The following VIP variants were observed in gnomAD, a reference collection of about 807,000 sequenced individuals.
VIP encodes the protein vasoactive intestinal peptide.
Under a neutral mutation model 20.1 loss-of-function variants are expected in VIP, and 18 were observed. The observed-to-expected ratio is 0.90, with a 90% CI of 0.62 to 1.33. The LOEUF (loss-of-function observed/expected upper bound fraction) is 1.33, where lower values mean the gene tolerates loss of function less well. Ranked by LOEUF, VIP falls within the 40% of genes most tolerant of loss-of-function variation. The pLI is 0.00. For synonymous variants in VIP, 70 were observed against 68.1 expected (o/e 1.03, Z -0.14); for missense variants, 209 against 199.4 (o/e 1.05, Z -0.29).
rs532133504 is a variant in VIP at position 152,755,350 on chromosome 6, G to C, written c.312G>C (p.Glu104Asp). 8 of 1,587,290 alleles carry C rather than the reference G, an allele frequency of 5.0e-6. No homozygotes were observed. In the Admixed American group the frequency reaches 1.2e-4, roughly 24 times the overall value. Reference sequence around the variant, plus strand: ...AACTTTCTGCCAAAAAGTACCTTGAGTCTCTTATGGGAAAACGTGTTAGGT... The same window carrying C: ...AACTTTCTGCCAAAAAGTACCTTGACTCTCTTATGGGAAAACGTGTTAGGT... ...LGQLSAKKYL[E>D]SLMGKRVSSN... Residue 104 changes from glutamate (E) to aspartate (D), a missense_variant, in exon 4 of 7, where the codon GAG becomes GAC. By Grantham distance (45) the Glu-to-Asp change is conservative (BLOSUM62 2). Transcript: ENST00000367244.
intron 1 of VIP, among the ~76,000 whole-genome samples, chr6:152,751,313 CT>C (rs962804921): frequency 6.6e-6 from 1 of 150,824 alleles, no homozygotes; most frequent in Non-Finnish European, 1.5e-5. Context: ...TTTTAAAGTG[CT>C]TTTTTTTTCC....
Position 152,757,036 on chromosome 6 carries a change from T to C in VIP, c.468-60T>C, listed in dbSNP as rs550081898. ...AGCACATTCATTATGTCATAATAGT[T>C]TCTTTAGACCCTTTCTCATCTGAGA... On this transcript the variant is annotated intron_variant, in intron 5 of 6. Transcript: ENST00000367244. 2.6e-6 allele frequency: 4 copies of C among 1,536,822 alleles called. No individual in the cohort carries two copies. The African/African-American group carries it at 5.5e-5, about 21-fold the overall frequency.
Position 152,752,234 on chromosome 6 carries a change from C to G in VIP, c.57C>G (p.Leu19=). The G allele has an allele frequency of 6.2e-7, 1 of 1,613,622 alleles. No individual in the cohort carries two copies. Among genetic ancestry groups the G allele is most frequent in the Non-Finnish European group, 8.5e-7 (1 of 1,179,674 alleles). ...LLVLLTLLSV[L]FSQTSAWPLY... is the part of the protein sequence containing the mutation. The stretch of plus-strand genomic sequence containing the variant: ...TGCTCCTGACTCTTCTCAGTGTGCT[C>G]TTCTCACAGACTTCGGCATGGCCTC... Residue 19 remains leucine (L), a synonymous_variant, in exon 2 of 7, where the codon CTC becomes CTG. Transcript: ENST00000367244.
intron 3 of VIP, 106 bp from the exon 4 acceptor site, chr6:152,755,163 A>C (rs1228732770): frequency 4.8e-6 from 3 of 621,974 alleles, no homozygotes; most frequent in East Asian, 6.4e-5. Context: ...TTTTAATGAG[A>C]AGCTTTCATA....
At position 152,756,089 on chromosome 6, in the gene VIP, T is replaced by C. The variant is rs201605279; in HGVS notation, c.336-45T>C. On this transcript the variant is annotated intron_variant, in intron 4 of 6. Coordinates refer to ENST00000367244, the MANE Select transcript of VIP (RefSeq NM_003381.4). ...ACCTGGAACATGTGTGTATTTATCA[T>C]TTCTTGTGAAAACTCTTTGATTTCC... 8.9e-6 allele frequency: 13 copies of C among 1,462,012 alleles called. No homozygotes were observed. The Admixed American group carries it at 2.6e-4, about 29-fold the overall frequency. The allele number at this position is 1,462,012 out of a possible 1,614,324, so 90.6% of individuals were successfully genotyped here.
chr6:152,754,554 A>T (rs376916398), intron 3 of VIP, among the ~76,000 whole-genome samples: 1 of 151,968 alleles, frequency 6.6e-6, no homozygotes, highest in East Asian at 1.9e-4. Flanking sequence ...CACAGATTGT[A>T]CCAATTCTGA....
chr6:152,754,149 G>C lies in VIP; in HGVS notation c.108-17G>C. On this transcript the variant is annotated splice_polypyrimidine_tract_variant and intron_variant, in intron 2 of 6. Transcript: ENST00000367244. ...TGAAAAAAGAATGTATTATTCTCGT[G>C]TAACTTTCCCCATCAGGTTGGGTGA... 6.2e-7 allele frequency: 1 copy of C among 1,606,340 alleles called. No individual in the cohort carries two copies. Among genetic ancestry groups the C allele is most frequent in the Non-Finnish European group, 8.5e-7 (1 of 1,176,640 alleles).
At chr6:152,757,024 T>C (rs1261121746) in intron 5 of VIP, 72 bp from the exon 6 acceptor site, 13 of 1,459,694 alleles carry the variant, frequency 8.9e-6, no homozygotes, top group Non-Finnish European at 5.7e-6. Flanking sequence ...ACATTCATTA[T>C]GTCATAATAG....
intron 1 of VIP, among the ~76,000 whole-genome samples, chr6:152,751,844 A>C (rs545594275): frequency 6.6e-6 from 1 of 152,254 alleles, no homozygotes; most frequent in African/African-American, 2.4e-5. Context: ...AAATACACTA[A>C]GCTTGAGTGG....
At chr6:152,754,421 G>A in intron 3 of VIP, 133 bp downstream of exon 3, 1 of 807,940 alleles carries the variant, frequency 1.2e-6, no homozygotes, top group Non-Finnish European at 1.9e-6. Context: ...TATGTGTCAT[G>A]GCTTCATTCA....
At chr6:152,755,464 T>A in intron 4 of VIP, 91 bp downstream of exon 4, 1 of 805,912 alleles carries the variant, frequency 1.2e-6, no homozygotes, top group Non-Finnish European at 1.8e-6. Flanking sequence ...TTACTTTGTT[T>A]GAAATTGAAA....
At chr6:152,757,208 C>T in intron 6 of VIP, 24 bp downstream of exon 6, 1 of 1,475,030 alleles carries the variant, frequency 6.8e-7, no homozygotes, top group Non-Finnish European at 9.4e-7. Context: ...TGCATTCCTT[C>T]TGTATTCTTA....
Position 152,750,954 on chromosome 6 carries a change from G to C in VIP, c.-16G>C, listed in dbSNP as rs1434122880. ...AGTCAGCTCCGGGGGAGCACGACTG[G>C]GCGAGGTAAGTGAAAACTTTACCTT... On this transcript the variant is annotated 5_prime_UTR_variant, in exon 1 of 7. Transcript: ENST00000367244. 1.3e-5 allele frequency: 2 copies of C among 152,114 alleles called. No individual in the cohort carries two copies. Among genetic ancestry groups the C allele is most frequent in the Non-Finnish European group, 2.9e-5 (2 of 68,032 alleles). 9.4% of individuals were successfully genotyped at this position (152,114 alleles called of 1,614,324 possible).
intron 2 of VIP, among the ~76,000 whole-genome samples, chr6:152,753,941 T>C (rs12201173): frequency 0.16 from 24,323 of 152,022 alleles, 2,099 homozygotes; most frequent in African/African-American, 0.21. Context: ...TTTTGTATAT[T>C]CAGCTTATAA....
intron 3 of VIP, 21 bp from the exon 4 acceptor site, chr6:152,755,248 T>G (rs750708318): frequency 6.6e-7 from 1 of 1,512,832 alleles, no homozygotes; most frequent in South Asian, 1.3e-5. Context: ...ATAATAGCTA[T>G]TTTTTTCTTC....
intron 6 of VIP, among the ~76,000 whole-genome samples, chr6:152,757,637 C>T (rs2099730633): frequency 6.6e-6 from 1 of 151,914 alleles, no homozygotes; most frequent in Non-Finnish European, 1.5e-5. Flanking sequence ...TGGCCCATTA[C>T]TATGAAAATA....
rs1217619973 is a variant in VIP at position 152,756,206 on chromosome 6, C to T, written c.408C>T (p.Arg136=). ...CAGTCTTCACTGACAACTATACCCG[C>T]CTTAGAAAACAAATGGCTGTAAAGA... ...SDAVFTDNYT[R]LRKQMAVKKY... is the part of the protein sequence containing the mutation. The change falls in exon 5 of 7, where the codon CGC becomes CGT. Residue 136 remains arginine, a synonymous_variant. Transcript: ENST00000367244. 6.2e-7 allele frequency: 1 copy of T among 1,611,640 alleles called. No individual in the cohort carries two copies. The highest frequency in any genetic ancestry group is 1.1e-5 in the South Asian group (1 of 90,906).
intron 1 of VIP, 57 bp from the exon 2 acceptor site, chr6:152,752,111 A>G: frequency 7.7e-7 from 1 of 1,294,420 alleles, no homozygotes; most frequent in Non-Finnish European, 1.1e-6. Context: ...GACAATCAGA[A>G]TTACCTTGCT....
intron 2 of VIP, among the ~76,000 whole-genome samples, chr6:152,753,677 G>A (rs1012228559): frequency 4.0e-5 from 6 of 151,410 alleles, no homozygotes; most frequent in Admixed American, 3.3e-4. Flanking sequence ...CTTGGGGGTC[G>A]AGAGAGAGAG....
Sources: allele counts gnomAD v4.1 joint callset (sites outside exome capture counted in the v4.1 genomes callset), GRCh38; gene constraint gnomAD v4.1.1; transcripts MANE v1.5; gene names NCBI Gene and HGNC (gene_info 2026-07-23, HGNC 2026-07-21).